The following SEMA3E variants were observed in gnomAD, a reference collection of about 807,000 sequenced individuals.
SEMA3E encodes semaphorin-3E.
In SEMA3E, 49 loss-of-function variants were observed where a neutral mutation model predicts 93.6. The ratio of observed to expected loss-of-function variants is 0.52; its 90% CI spans 0.42 to 0.66. The LOEUF is 0.66. SEMA3E is among the 30% of genes least tolerant of loss of function. SEMA3E has a pLI of 0.00. For synonymous variants in SEMA3E, 363 were observed against 330.7 expected (o/e 1.10, Z -1.06); for missense variants, 906 against 964.8 (o/e 0.94, Z 0.81).
At chr7:83,442,473 A>T (rs1336241600) in intron 4 of SEMA3E, among the ~76,000 whole-genome samples, 1 of 152,152 alleles carries the variant, frequency 6.6e-6, no homozygotes, top group Non-Finnish European at 1.5e-5. Flanking sequence ...ACTCTCACAT[A>T]TTTAGCCAAT....
chr7:83,638,753 C>T (rs971429025), intron 1 of SEMA3E, among the ~76,000 whole-genome samples: 4 of 152,042 alleles, frequency 2.6e-5, no homozygotes, highest in African/African-American at 9.7e-5. Context: ...CATCCTTCCA[C>T]ACACACAGCC....
At chr7:83,545,236 C>T (rs1227303830) in intron 1 of SEMA3E, among the ~76,000 whole-genome samples, 2 of 151,900 alleles carry the variant, frequency 1.3e-5, no homozygotes, top group African/African-American at 4.8e-5. Flanking sequence ...CATAGCCCAT[C>T]TAGAACTATG....
At chr7:83,588,797 A>G (rs1414019732) in intron 1 of SEMA3E, among the ~76,000 whole-genome samples, 2 of 152,184 alleles carry the variant, frequency 1.3e-5, no homozygotes, top group African/African-American at 4.8e-5. Flanking sequence ...AGAAAACACA[A>G]AAGCTTACCC....
intron 1 of SEMA3E, among the ~76,000 whole-genome samples, chr7:83,524,357 C>T (rs2115698563): frequency 6.6e-6 from 1 of 152,156 alleles, no homozygotes; most frequent in East Asian, 1.9e-4. Flanking sequence ...CTTTACAAGC[C>T]TTGGACCAAA....
chr7:83,515,333 G>C (rs935235162), intron 1 of SEMA3E, among the ~76,000 whole-genome samples: 1 of 150,716 alleles, frequency 6.6e-6, no homozygotes, highest in East Asian at 1.9e-4. Context: ...TTCTGAGTAA[G>C]TGTTGTTACA....
intron 1 of SEMA3E, among the ~76,000 whole-genome samples, chr7:83,563,855 C>A (rs1323839502): frequency 3.9e-5 from 6 of 152,108 alleles, no homozygotes; most frequent in Non-Finnish European, 8.8e-5. Context: ...AGCTGTTGAT[C>A]CACTCCAATT....
chr7:83,636,042 T>G (rs1172758909), intron 1 of SEMA3E, among the ~76,000 whole-genome samples: 1 of 152,142 alleles, frequency 6.6e-6, no homozygotes, highest in Non-Finnish European at 1.5e-5. Flanking sequence ...AATTTGTCAC[T>G]GTAGAAATGA....
chr7:83,600,415 G>T (rs943054164), intron 1 of SEMA3E, among the ~76,000 whole-genome samples: 7 of 149,780 alleles, frequency 4.7e-5, no homozygotes, highest in African/African-American at 1.7e-4. Flanking sequence ...CGCCTCCAGG[G>T]TTCATGCCAT....
At chr7:83,492,577 TCTATC>T (rs1790408609) in intron 1 of SEMA3E, among the ~76,000 whole-genome samples, 1 of 151,978 alleles carries the variant, frequency 6.6e-6, no homozygotes, top group East Asian at 1.9e-4. Flanking sequence ...TATGGCCAAA[TCTATC>T]CTATGAAATC....
chr7:83,449,675 A>G (rs908341354), intron 4 of SEMA3E, among the ~76,000 whole-genome samples: 2 of 152,184 alleles, frequency 1.3e-5, no homozygotes, highest in Admixed American at 1.3e-4. Flanking sequence ...TTGATTGTCA[A>G]TAAGTTAAAT....
At chr7:83,446,695 T>C (rs1483321026) in intron 4 of SEMA3E, among the ~76,000 whole-genome samples, 5 of 152,200 alleles carry the variant, frequency 3.3e-5, no homozygotes, top group Admixed American at 6.6e-5. Flanking sequence ...CAATATAGTA[T>C]GTAATTTGGG....
intron 16 of SEMA3E, among the ~76,000 whole-genome samples, chr7:83,379,202 T>C (rs572529874): frequency 8.6e-5 from 13 of 151,372 alleles, no homozygotes; most frequent in African/African-American, 2.9e-4. Flanking sequence ...TGAGTACAAT[T>C]GGATATATGG....
At chr7:83,525,526 T>G (rs1319883188) in intron 1 of SEMA3E, among the ~76,000 whole-genome samples, 1 of 122,288 alleles carries the variant, frequency 8.2e-6, no homozygotes, top group Non-Finnish European at 1.9e-5. Context: ...TTTTCTTGTT[T>G]TCTCATGTAT....
chr7:83,426,826 G>A (rs1788779376), intron 4 of SEMA3E, among the ~76,000 whole-genome samples: 1 of 151,902 alleles, frequency 6.6e-6, no homozygotes, highest in Non-Finnish European at 1.5e-5. Flanking sequence ...TATTTTGATT[G>A]CCATTGGCTT....
At chr7:83,485,080 A>G (rs1790225502) in intron 2 of SEMA3E, among the ~76,000 whole-genome samples, 1 of 152,176 alleles carries the variant, frequency 6.6e-6, no homozygotes, top group South Asian at 2.1e-4. Context: ...ACTCCTGAAT[A>G]TATGTGCCCT....
intron 1 of SEMA3E, among the ~76,000 whole-genome samples, chr7:83,496,003 A>T (rs1338666267): frequency 6.6e-6 from 1 of 151,990 alleles, no homozygotes; most frequent in East Asian, 1.9e-4. Context: ...TCTCAAGGTG[A>T]TAATAACAGT....
chr7:83,464,975 G>A (rs1198246827), intron 4 of SEMA3E, among the ~76,000 whole-genome samples: 1 of 151,300 alleles, frequency 6.6e-6, no homozygotes, highest in Non-Finnish European at 1.5e-5. Context: ...ATCGCATCCC[G>A]TGACTTGCAC....
At chr7:83,469,631 T>C (rs1400987469) in intron 2 of SEMA3E, among the ~76,000 whole-genome samples, 3 of 152,244 alleles carry the variant, frequency 2.0e-5, no homozygotes. Context: ...AGGCACCTCC[T>C]GCAGTTTCTT....
intron 1 of SEMA3E, among the ~76,000 whole-genome samples, chr7:83,555,907 G>C (rs1207685387): frequency 6.6e-6 from 1 of 151,882 alleles, no homozygotes; most frequent in Non-Finnish European, 1.5e-5. Flanking sequence ...ACACAGAGAG[G>C]GTCTATGTCA....
Sources: gnomAD v4.1 joint callset for allele counts (sites outside exome capture counted in the v4.1 genomes callset) on GRCh38, gnomAD v4.1.1 for gene constraint, MANE v1.5 for transcripts, NCBI Gene and HGNC (gene_info 2026-07-23, HGNC 2026-07-21) for gene names.